The following ARHGAP42 variants were observed in gnomAD, a reference collection of about 807,000 sequenced individuals.
ARHGAP42 encodes Rho GTPase activating protein 42.
In ARHGAP42, 63 loss-of-function variants were observed where a neutral mutation model predicts 125.0. The observed-to-expected ratio is 0.50, with a 90% CI of 0.41 to 0.62. ARHGAP42 has a LOEUF of 0.62. ARHGAP42 is among the 20% of genes least tolerant of loss of function. ARHGAP42 has a pLI of 0.00. For synonymous variants in ARHGAP42, 339 were observed against 351.0 expected (o/e 0.97, Z 0.38); for missense variants, 766 against 1,024.2 (o/e 0.75, Z 3.44).
At chr11:100,766,701 T>C (rs1377926726) in intron 1 of ARHGAP42, among the ~76,000 whole-genome samples, 1 of 152,210 alleles carries the variant, frequency 6.6e-6, no homozygotes, top group African/African-American at 2.4e-5. Context: ...TCATTATTAC[T>C]GCCAGAAAAT....
intron 2 of ARHGAP42, among the ~76,000 whole-genome samples, chr11:100,783,700 A>T (rs1863368450): frequency 1.3e-5 from 2 of 152,202 alleles, no homozygotes; most frequent in Non-Finnish European, 2.9e-5. Flanking sequence ...ATAAGAGATG[A>T]TTTTCATGAG....
intron 18 of ARHGAP42, 98 bp from the exon 19 acceptor site, chr11:100,974,361 T>C (rs1202811502): frequency 9.1e-7 from 1 of 1,093,184 alleles, no homozygotes; most frequent in East Asian, 2.6e-5. Context: ...ACTTATATTT[T>C]GCAGCTGATT....
chr11:100,919,663 A>C (rs1339847063), intron 5 of ARHGAP42, among the ~76,000 whole-genome samples: 1 of 152,096 alleles, frequency 6.6e-6, no homozygotes, highest in Non-Finnish European at 1.5e-5. Flanking sequence ...TGGCCTCTCA[A>C]AGTGCTGGGA....
Position 100,764,361 on chromosome 11 carries a change from A to G in ARHGAP42, c.155-5982A>G, listed in dbSNP as rs149166840. Among the ~76,000 whole-genome samples the G allele has an allele frequency of 2.1e-3, 321 of 152,216 alleles. 1 individual carries two copies. The highest frequency in any genetic ancestry group is 7.4e-3 in the African/African-American group (306 of 41,528). On this transcript the variant is annotated intron_variant, in intron 1 of 23. Transcript: ENST00000298815. ...AATGCCCATCATTCTTTGGGGATTA[A>G]CTATGATATGCCATGAAAGAGCATC... is the stretch of plus-strand genomic sequence containing the variant.
At chr11:100,774,933 G>A (rs1486524553) in intron 2 of ARHGAP42, among the ~76,000 whole-genome samples, 1 of 152,152 alleles carries the variant, frequency 6.6e-6, no homozygotes, top group African/African-American at 2.4e-5. Context: ...AGGCAAAATG[G>A]GATTCGTTGT....
chr11:100,946,507 T>C (rs1488607542), intron 10 of ARHGAP42, among the ~76,000 whole-genome samples: 2 of 152,080 alleles, frequency 1.3e-5, no homozygotes, highest in Admixed American at 6.6e-5. Flanking sequence ...GAGAGACATG[T>C]GAATCTTCCT....
intron 1 of ARHGAP42, among the ~76,000 whole-genome samples, chr11:100,753,122 C>G (rs538359529): frequency 1.3e-4 from 20 of 152,068 alleles, no homozygotes; most frequent in Non-Finnish European, 2.8e-4. Context: ...GGCCCTTGCT[C>G]TGGTTCTCTG....
chr11:100,769,469 T>C (rs1185870611), intron 1 of ARHGAP42, among the ~76,000 whole-genome samples: 1 of 152,168 alleles, frequency 6.6e-6, no homozygotes, highest in Non-Finnish European at 1.5e-5. Flanking sequence ...TTTCTGGGTT[T>C]AGTCAGACTC....
At chr11:100,802,708 G>A (rs899039726) in intron 3 of ARHGAP42, among the ~76,000 whole-genome samples, 7 of 152,158 alleles carry the variant, frequency 4.6e-5, no homozygotes, top group East Asian at 3.9e-4. Context: ...GATTACAGGC[G>A]TGAGCCACTG....
intron 2 of ARHGAP42, among the ~76,000 whole-genome samples, chr11:100,774,883 G>GTTTTA (rs1432078514): frequency 6.6e-6 from 1 of 152,138 alleles, no homozygotes; most frequent in Non-Finnish European, 1.5e-5. Context: ...TTTTTGTTTT[G>GTTTTA]TTTTGTTTTG....
intron 1 of ARHGAP42, among the ~76,000 whole-genome samples, chr11:100,725,807 C>T (rs1211026896): frequency 2.0e-5 from 3 of 151,580 alleles, no homozygotes; most frequent in African/African-American, 7.2e-5. Context: ...TGGTGGCGGG[C>T]GCCTGTAGTC....
intron 1 of ARHGAP42, among the ~76,000 whole-genome samples, chr11:100,740,968 T>A (rs1862172476): frequency 6.6e-6 from 1 of 152,186 alleles, no homozygotes; most frequent in Non-Finnish European, 1.5e-5. Context: ...GCAGACAGAT[T>A]TATTTGACTG....
At chr11:100,824,236 G>T (rs1864461760) in intron 3 of ARHGAP42, among the ~76,000 whole-genome samples, 1 of 152,086 alleles carries the variant, frequency 6.6e-6, no homozygotes, top group African/African-American at 2.4e-5. Context: ...GTATTCAATA[G>T]CTTGGTGGCC....
intron 3 of ARHGAP42, among the ~76,000 whole-genome samples, chr11:100,808,265 T>G (rs1420932564): frequency 6.6e-6 from 1 of 152,216 alleles, no homozygotes; most frequent in Non-Finnish European, 1.5e-5. Context: ...GATTAAACCA[T>G]AGAGTATATT....
At chr11:100,807,646 T>C (rs919738175) in intron 3 of ARHGAP42, among the ~76,000 whole-genome samples, 3 of 152,226 alleles carry the variant, frequency 2.0e-5, no homozygotes, top group Admixed American at 6.5e-5. Flanking sequence ...CTCATTGTTC[T>C]GTTCTATCCC....
At chr11:100,780,347 T>A (rs1863279100) in intron 2 of ARHGAP42, among the ~76,000 whole-genome samples, 1 of 152,218 alleles carries the variant, frequency 6.6e-6, no homozygotes, top group Non-Finnish European at 1.5e-5. Flanking sequence ...ATTAGTGTAA[T>A]AAATGCTATG....
At chr11:100,705,027 A>T (rs1250256714) in intron 1 of ARHGAP42, among the ~76,000 whole-genome samples, 1 of 146,942 alleles carries the variant, frequency 6.8e-6, no homozygotes, top group African/African-American at 2.6e-5. Context: ...AAAAAAAAAA[A>T]AAAAAAGAGA....
At chr11:100,753,702 C>T (rs73575521) in intron 1 of ARHGAP42, among the ~76,000 whole-genome samples, 3 of 152,340 alleles carry the variant, frequency 2.0e-5, no homozygotes, top group African/African-American at 7.2e-5. Flanking sequence ...GCTCTTCTTG[C>T]TGCTGTTCCT....
intron 5 of ARHGAP42, among the ~76,000 whole-genome samples, chr11:100,915,830 G>C (rs1279361551): frequency 6.6e-6 from 1 of 152,124 alleles, no homozygotes; most frequent in East Asian, 1.9e-4. Context: ...ATATAATGTA[G>C]ACAAGGCAAA....
Sources: gnomAD v4.1 joint callset for allele counts (sites outside exome capture counted in the v4.1 genomes callset) on GRCh38, gnomAD v4.1.1 for gene constraint, MANE v1.5 for transcripts, NCBI Gene and HGNC (gene_info 2026-07-23, HGNC 2026-07-21) for gene names.